ISM2: variants seen among roughly 807,000 people sequenced by gnomAD.
ISM2 encodes the protein isthmin 2.
Under a neutral mutation model 58.0 loss-of-function variants are expected in ISM2, and 50 were observed. The ratio of observed to expected loss-of-function variants is 0.86; its 90% confidence interval spans 0.69 to 1.09. The LOEUF is 1.09. Ranked by LOEUF, ISM2 falls within the 50% of genes least tolerant of loss-of-function variation. The pLI, the probability that ISM2 is intolerant of heterozygous loss-of-function variation, is 0.00. For missense variants in ISM2, 723 were observed against 745.0 expected (o/e 0.97, Z 0.34); for synonymous variants, 303 against 312.4 (o/e 0.97, Z 0.32).
In ISM2 at chr14:77,475,665, CCGTTGTTGGGAGGGAGCACAG is replaced by C; in HGVS notation, c.1625_1645del (p.Ala542_Asn548del). ...CAGGGGGTTGTCGGTGCAGGCTCGG[CCGTTGTTGGGAGGGAGCACAG>C]CGTGGAGGCGGCTCCAGTCCCCCTT... is the stretch of plus-strand genomic sequence containing the variant. On this transcript the variant is annotated inframe_deletion, in exon 7 of 7. Transcript: ENST00000342219. This position sits in a 1 kb window ranked among gnomAD's most constrained non-coding sequence, Gnocchi z 4.1. The C allele has an allele frequency of 1.2e-6, 2 of 1,613,524 alleles. No homozygotes were observed. The highest frequency in any genetic ancestry group is 1.7e-6 in the Non-Finnish European group (2 of 1,179,712).
At chr14:77,479,261 C>A (rs2079117516) in intron 4 of ISM2, among the ~76,000 whole-genome samples, 1 of 152,078 alleles carries the variant, frequency 6.6e-6, no homozygotes, top group Non-Finnish European at 1.5e-5. Flanking sequence ...AATCTGTCAC[C>A]CAGGCTAGAG....
intron 1 of ISM2, among the ~76,000 whole-genome samples, chr14:77,487,698 C>G (rs549857737): frequency 6.6e-6 from 1 of 152,156 alleles, no homozygotes; most frequent in Non-Finnish European, 1.5e-5. Flanking sequence ...TCTCTTGAAG[C>G]CTACCCCAAG....
chr14:77,475,968 T>C lies in ISM2; in HGVS notation c.1343A>G (p.His448Arg). ...CCTCCACCGGAAGCTGCGGCCCTGGTGCTCGTCCTGTAGGCTCACAGGGCT... is the reference window on the plus strand; with the variant it reads ...CCTCCACCGGAAGCTGCGGCCCTGGCGCTCGTCCTGTAGGCTCACAGGGCT... ...MDSPVSLQDEHQGRSFRWRDA... is the reference protein window; with the variant it reads ...MDSPVSLQDERQGRSFRWRDA... The change falls in exon 7 of 7, where the codon CAC becomes CGC. Residue 448 changes from histidine to arginine, a missense_variant. Coordinates refer to ENST00000342219, the MANE Select transcript of ISM2 (RefSeq NM_199296.3). The surrounding 1 kb of genome is among the most constrained non-coding windows in gnomAD (Gnocchi z 4.1). The C allele has an allele frequency of 1.3e-6, 2 of 1,597,070 alleles. No homozygotes were observed. Among genetic ancestry groups the C allele is most frequent in the East Asian group, 2.2e-5 (1 of 44,816 alleles).
At chr14:77,491,382 C>T (rs1481795352) in intron 1 of ISM2, among the ~76,000 whole-genome samples, 1 of 152,210 alleles carries the variant, frequency 6.6e-6, no homozygotes, top group Admixed American at 6.5e-5. Flanking sequence ...CAGGTCTCCT[C>T]TGTTTATTTA....
At chr14:77,476,144 C>T (rs1032473287) in intron 6 of ISM2, 32 bp from the exon 7 acceptor site, 7 of 1,501,222 alleles carry the variant, frequency 4.7e-6, no homozygotes, top group Non-Finnish European at 6.2e-6. Flanking sequence ...AGGAGGGAAG[C>T]CAGTGACAGA....
rs541556544 is a variant in ISM2 at position 77,491,170 on chromosome 14, G to A, written c.142-6251C>T. ...ATGGACCGGGACTGAAGTGCTGGGG[G>A]GGCACCCCCACCATGTTCATGACAC... On this transcript the variant is annotated intron_variant, in intron 1 of 6. Transcript: ENST00000342219. 3.3e-3 allele frequency among the ~76,000 whole-genome samples: 510 copies of A among 152,294 alleles called. 1 individual carries two copies. Among genetic ancestry groups the A allele is most frequent in the African/African-American group, 0.012 (482 of 41,564 alleles).
intron 1 of ISM2, among the ~76,000 whole-genome samples, chr14:77,488,135 A>G (rs79545021): frequency 2.0e-5 from 3 of 152,286 alleles, no homozygotes; most frequent in African/African-American, 7.2e-5. Context: ...TTCTGTGCAG[A>G]CAGGAATTGT....
At chr14:77,488,483 T>C (rs2079181455) in intron 1 of ISM2, among the ~76,000 whole-genome samples, 1 of 152,124 alleles carries the variant, frequency 6.6e-6, no homozygotes, top group Non-Finnish European at 1.5e-5. Flanking sequence ...TCCACTTTCA[T>C]CTCAGCTGAA....
rs1294817785 is a variant in ISM2 at position 77,482,309 on chromosome 14, T to C, written c.973+13A>G. On this transcript the variant is annotated intron_variant, in intron 4 of 6. Transcript: ENST00000342219. ...GGGGAGCAGCCTGGGGATGCCAAGA[T>C]GGGGGTGCTCACCGTAGCTGACAGA... 3 of 1,599,586 alleles carry C rather than the reference T, an allele frequency of 1.9e-6. No homozygotes were observed. The highest frequency in any genetic ancestry group is 1.7e-4 in the Middle Eastern group (1 of 5,994).
chr14:77,480,839 A>G (rs1158607133), intron 4 of ISM2, among the ~76,000 whole-genome samples: 4 of 151,820 alleles, frequency 2.6e-5, no homozygotes, highest in African/African-American at 9.7e-5. Flanking sequence ...ATTACAAGGC[A>G]TGAGCCACCA....
intron 1 of ISM2, among the ~76,000 whole-genome samples, chr14:77,488,866 G>C (rs1359231878): frequency 1.3e-5 from 2 of 152,138 alleles, no homozygotes; most frequent in African/African-American, 4.8e-5. Flanking sequence ...GGAATTCTGA[G>C]ACTCCAGGTT....
chr14:77,478,796 C>T, intron 4 of ISM2, 81 bp from the exon 5 acceptor site: 1 of 1,451,370 alleles, frequency 6.9e-7, no homozygotes, highest in Non-Finnish European at 9.6e-7. Flanking sequence ...GGCACCCTTT[C>T]CTCAGGTGGA....
intron 6 of ISM2, among the ~76,000 whole-genome samples, chr14:77,476,769 G>A (rs538247306): frequency 1.3e-5 from 2 of 152,194 alleles, no homozygotes; most frequent in Non-Finnish European, 2.9e-5. Flanking sequence ...GAGCTGGGGG[G>A]CCAGGCGCGA....
intron 1 of ISM2, among the ~76,000 whole-genome samples, chr14:77,488,762 G>A (rs1046942119): frequency 2.0e-5 from 3 of 152,164 alleles, no homozygotes; most frequent in African/African-American, 7.2e-5. Flanking sequence ...CACCCCCCTC[G>A]CCAGGCAACA....
chr14:77,485,055 T>C (rs1267369141), intron 1 of ISM2, 136 bp from the exon 2 acceptor site: 8 of 900,286 alleles, frequency 8.9e-6, no homozygotes, highest in Admixed American at 2.5e-5. Flanking sequence ...TACATCTCTC[T>C]GGAGTGTGTA....
intron 1 of ISM2, among the ~76,000 whole-genome samples, chr14:77,490,385 A>AAAACG (rs2079195619): frequency 2.1e-4 from 1 of 4,782 alleles, no homozygotes; most frequent in Non-Finnish European, 2.0e-3. Flanking sequence ...AAAAAGAAAG[A>AAAACG]AAAAGAACGG....
Position 77,478,179 on chromosome 14 carries a change from C to A in ISM2, c.1198+63G>T, listed in dbSNP as rs2079109207. ...GCCAGGTTCCTGCCATGGAATAATA[C>A]CCCACCCTCCCCTGAGAGCTCGTTC... is the stretch of plus-strand genomic sequence containing the variant. On this transcript the variant is annotated intron_variant, in intron 6 of 6. Coordinates refer to ENST00000342219, the MANE Select transcript of ISM2 (RefSeq NM_199296.3). 8.1e-6 allele frequency: 11 copies of A among 1,361,480 alleles called. No homozygotes were observed. In the South Asian group the frequency reaches 9.5e-5, roughly 12 times the overall value. 84.3% of individuals were successfully genotyped at this position (1,361,480 alleles called of 1,614,324 possible). A position where few individuals can be genotyped will look rare whatever the true frequency, so the allele number is the denominator to read the frequency against.
chr14:77,487,838 C>A (rs2079177663), intron 1 of ISM2, among the ~76,000 whole-genome samples: 2 of 152,152 alleles, frequency 1.3e-5, no homozygotes, highest in South Asian at 2.1e-4. Flanking sequence ...ATGATGGGCA[C>A]CTGCAGCCAA....
In ISM2 at chr14:77,475,650, T is replaced by C. The variant is rs751570245; in HGVS notation, c.1661A>G (p.Asp554Gly). Residue 554 changes from aspartate (D) to glycine (G), a missense_variant, in exon 7 of 7, where the codon GAC becomes GGC. By Grantham distance (94) the Asp-to-Gly change is moderately conservative. Transcript: ENST00000342219. The surrounding 1 kb of genome is among the most constrained non-coding windows in gnomAD (Gnocchi z 4.1). The stretch of plus-strand genomic sequence containing the variant: ...TAGGTACTCCTCCTCCAGGGGGTTG[T>C]CGGTGCAGGCTCGGCCGTTGTTGGG... The part of the protein sequence containing the change: ...LPPNNGRACT[D>G]NPLEEEYLAQ... 1.2e-6 allele frequency: 2 copies of C among 1,612,164 alleles called. No individual in the cohort carries two copies. Among genetic ancestry groups the C allele is most frequent in the Non-Finnish European group, 1.7e-6 (2 of 1,178,890 alleles).
Sources: gnomAD v4.1 joint callset for allele counts (sites outside exome capture counted in the v4.1 genomes callset) on GRCh38, gnomAD v4.1.1 for gene constraint, Gnocchi (gnomAD v3.1) non-coding constraint, MANE v1.5 for transcripts, NCBI Gene and HGNC (gene_info 2026-07-23, HGNC 2026-07-21) for gene names.